The following LRRC20 variants were observed in gnomAD, a reference collection of about 807,000 sequenced individuals.
LRRC20 encodes leucine-rich repeat-containing protein 20.
In LRRC20, 11 loss-of-function variants were observed where a neutral mutation model predicts 14.4. The ratio of observed to expected loss-of-function variants is 0.77; its 90% confidence interval spans 0.48 to 1.27. The LOEUF (loss-of-function observed/expected upper bound fraction) is 1.27, where lower values mean the gene tolerates loss of function less well. LRRC20 is among the 50% of genes most tolerant of loss of function. The probability of loss-of-function intolerance (pLI) is 0.00; values close to 1 mark genes in which losing one functional copy is unlikely to be tolerated. For missense variants in LRRC20, 219 were observed against 251.2 expected (o/e 0.87, Z 0.87); for synonymous variants, 121 against 107.3 (o/e 1.13, Z -0.79).
intron 2 of LRRC20, among the ~76,000 whole-genome samples, chr10:70,344,540 A>G (rs1370746369): frequency 6.6e-6 from 1 of 152,102 alleles, no homozygotes; most frequent in Admixed American, 6.5e-5. Flanking sequence ...AAAAAAAAGT[A>G]GAAAAGTTCA....
chr10:70,311,979 C>T (rs1409647316), intron 4 of LRRC20, among the ~76,000 whole-genome samples: 2 of 152,188 alleles, frequency 1.3e-5, no homozygotes, highest in Non-Finnish European at 2.9e-5. Flanking sequence ...TGTTTTACAT[C>T]AGTGGAACCG....
At chr10:70,347,919 A>G (rs1468501100) in intron 2 of LRRC20, among the ~76,000 whole-genome samples, 1 of 151,950 alleles carries the variant, frequency 6.6e-6, no homozygotes. Flanking sequence ...GCAAGGCCAC[A>G]TTAGAGGATG....
At chr10:70,305,039 C>T (rs1297242782) in intron 4 of LRRC20, among the ~76,000 whole-genome samples, 1 of 152,116 alleles carries the variant, frequency 6.6e-6, no homozygotes, top group East Asian at 1.9e-4. Context: ...AAAAAATTAG[C>T]CGGGTGTGGT....
At chr10:70,322,712 T>C (rs1441633085) in intron 4 of LRRC20, among the ~76,000 whole-genome samples, 1 of 152,124 alleles carries the variant, frequency 6.6e-6, no homozygotes, top group Non-Finnish European at 1.5e-5. Context: ...AGGGCTGTTG[T>C]GGAATCACAT....
intron 4 of LRRC20, among the ~76,000 whole-genome samples, chr10:70,311,389 T>C (rs1841662404): frequency 6.6e-6 from 1 of 152,002 alleles, no homozygotes; most frequent in Non-Finnish European, 1.5e-5. Context: ...ACCCAGCTAA[T>C]TTTTGCATTT....
At chr10:70,346,310 G>A (rs1843071531) in intron 2 of LRRC20, among the ~76,000 whole-genome samples, 1 of 152,044 alleles carries the variant, frequency 6.6e-6, no homozygotes, top group Non-Finnish European at 1.5e-5. Context: ...CAGGTACTCG[G>A]GAGGATGAGG....
intron 2 of LRRC20, among the ~76,000 whole-genome samples, chr10:70,356,349 A>G (rs1843517737): frequency 6.6e-6 from 1 of 152,094 alleles, no homozygotes; most frequent in South Asian, 2.1e-4. Context: ...CTGGTTCTAT[A>G]AAAAATACAA....
At chr10:70,345,943 A>G (rs184058704) in intron 2 of LRRC20, among the ~76,000 whole-genome samples, 10 of 152,272 alleles carry the variant, frequency 6.6e-5, no homozygotes, top group Non-Finnish European at 1.5e-4. Flanking sequence ...CAACCTGGGC[A>G]ACACAGCAAG....
Position 70,365,214 on chromosome 10 carries a change from C to A in LRRC20, c.82+11238G>T, listed in dbSNP as rs1339389865. ...AGCTGGGATTACAGGCGTGTGCCACCAAGCCCAGCTAATTTTTGTATTTTT... is the reference window on the plus strand; with the variant it reads ...AGCTGGGATTACAGGCGTGTGCCACAAAGCCCAGCTAATTTTTGTATTTTT... On this transcript the variant is annotated intron_variant, in intron 2 of 4. Transcript: ENST00000446961. Among the ~76,000 whole-genome samples the A allele has an allele frequency of 3.3e-5, 5 of 152,276 alleles. No individual in the cohort carries two copies. In the East Asian group the frequency reaches 9.7e-4, roughly 29 times the overall value.
intron 2 of LRRC20, among the ~76,000 whole-genome samples, chr10:70,344,737 T>G (rs1388168295): frequency 6.6e-6 from 1 of 152,102 alleles, no homozygotes; most frequent in East Asian, 1.9e-4. Context: ...CGGCTAATTT[T>G]TGTATTTTTT....
intron 4 of LRRC20, among the ~76,000 whole-genome samples, chr10:70,317,728 CA>C (rs1362713225): frequency 6.6e-6 from 1 of 152,180 alleles, no homozygotes; most frequent in Non-Finnish European, 1.5e-5. Context: ...CAGTCAGTCC[CA>C]GGGGACACTG....
In LRRC20 at chr10:70,324,048, G is replaced by A. The variant is rs1842213326; in HGVS notation, c.233-18C>T. ...GTGGAGCTCTGCCACGTGCAGGGAA[G>A]GAGAGAGAACAGGATGAGGAGGGGG... On this transcript the variant is annotated intron_variant, in intron 3 of 4. Transcript: ENST00000446961. 6.2e-7 allele frequency: 1 copy of A among 1,612,892 alleles called. No homozygotes were observed. Among genetic ancestry groups the A allele is most frequent in the East Asian group, 2.2e-5 (1 of 44,872 alleles).
rs1483659891 is a variant in LRRC20, at chr10:70,378,166, TA to T, written c.-63-1571del. On this transcript the variant is annotated intron_variant, in intron 1 of 4. Transcript: ENST00000446961. ...GTAACAGCAGCATATAACCCCAGTT[TA>T]ATACTCATGTGAGTCTGAACAAAAC... 3.3e-5 allele frequency among the ~76,000 whole-genome samples: 5 copies of T among 152,320 alleles called. No homozygotes were observed. The East Asian group carries it at 9.6e-4, about 29-fold the overall frequency.
intron 4 of LRRC20, among the ~76,000 whole-genome samples, chr10:70,306,055 G>A (rs550970480): frequency 2.6e-5 from 4 of 150,976 alleles, no homozygotes; most frequent in African/African-American, 9.7e-5. Flanking sequence ...TTCGCCAATT[G>A]TTATCATTTT....
intron 4 of LRRC20, among the ~76,000 whole-genome samples, chr10:70,316,111 G>A (rs541389196): frequency 9.9e-5 from 15 of 152,154 alleles, no homozygotes; most frequent in African/African-American, 3.1e-4. Flanking sequence ...CTTTTGTTGC[G>A]TTTTATTTTT....
chr10:70,340,929 T>C (rs1302097784), intron 2 of LRRC20, among the ~76,000 whole-genome samples: 1 of 152,178 alleles, frequency 6.6e-6, no homozygotes, highest in Non-Finnish European at 1.5e-5. Context: ...TAAGGATTTG[T>C]GTTAGCACCA....
At chr10:70,348,717 A>G (rs1029569018) in intron 2 of LRRC20, among the ~76,000 whole-genome samples, 1 of 152,184 alleles carries the variant, frequency 6.6e-6, no homozygotes, top group Non-Finnish European at 1.5e-5. Context: ...GAACTCCCCC[A>G]TGGGAAACCG....
chr10:70,373,417 C>T (rs1375075380), intron 2 of LRRC20, among the ~76,000 whole-genome samples: 1 of 152,246 alleles, frequency 6.6e-6, no homozygotes, highest in Non-Finnish European at 1.5e-5. Context: ...CAGGACTCTA[C>T]TACACACATT....
intron 4 of LRRC20, among the ~76,000 whole-genome samples, chr10:70,302,959 C>G (rs1387164800): frequency 2.0e-5 from 3 of 151,892 alleles, no homozygotes; most frequent in Non-Finnish European, 2.9e-5. Flanking sequence ...ATCCGCCCGT[C>G]TCGGCCTCCC....
Sources: gnomAD v4.1 joint callset for allele counts (sites outside exome capture counted in the v4.1 genomes callset) on GRCh38, gnomAD v4.1.1 for gene constraint, MANE v1.5 for transcripts, NCBI Gene and HGNC (gene_info 2026-07-23, HGNC 2026-07-21) for gene names.